The following CHST15 variants were observed in gnomAD, a reference collection of about 807,000 sequenced individuals.
CHST15 encodes B cell RAG associated protein (GALNAC4S-6ST).
Under a neutral mutation model 53.6 loss-of-function variants are expected in CHST15, and 30 were observed. The ratio of observed to expected loss-of-function variants is 0.56; its 90% CI spans 0.42 to 0.76. The LOEUF is 0.76. Among genes scored for constraint, CHST15 ranks in the 30% least tolerant of loss-of-function variants. The probability of loss-of-function intolerance (pLI) is 0.00; values close to 1 mark genes in which losing one functional copy is unlikely to be tolerated. For synonymous variants in CHST15, 296 were observed against 289.8 expected (o/e 1.02, Z -0.22); for missense variants, 627 against 740.5 (o/e 0.85, Z 1.78).
chr10:124,049,766 G>A lies in CHST15; in HGVS notation c.-512-3042C>T, dbSNP rs527441509. Among the ~76,000 whole-genome samples the A allele has an allele frequency of 5.9e-5, 9 of 152,290 alleles. No individual in the cohort carries two copies. The East Asian group carries it at 1.7e-3, about 29-fold the overall frequency. ...AGTCAAGCACTCTCCTGAGTTCTGTGAGTCATTCTAGTGAATTACTGAACC... is the reference window on the plus strand; with the variant it reads ...AGTCAAGCACTCTCCTGAGTTCTGTAAGTCATTCTAGTGAATTACTGAACC... On this transcript the variant is annotated intron_variant, in intron 1 of 7. Transcript: ENST00000435907.
At chr10:124,042,555 C>T (rs955767172) in intron 3 of CHST15, 108 bp from the exon 4 acceptor site, 13 of 1,268,154 alleles carry the variant, frequency 1.0e-5, no homozygotes, top group South Asian at 5.6e-5. Flanking sequence ...AAGGGCCTGG[C>T]GACAGCAGCA....
intron 5 of CHST15, among the ~76,000 whole-genome samples, chr10:124,023,485 CA>C (rs144190606): frequency 2.0e-3 from 273 of 134,996 alleles, no homozygotes; most frequent in Middle Eastern, 7.5e-3. Flanking sequence ...GAACCTCTCT[CA>C]AAAAAAAAAA....
intron 1 of CHST15, among the ~76,000 whole-genome samples, chr10:124,086,345 A>AC (rs2134243909): frequency 6.6e-6 from 1 of 152,310 alleles, no homozygotes; most frequent in South Asian, 2.1e-4. Flanking sequence ...GTTCTCCGCC[A>AC]CCCCAGATGT....
At chr10:124,067,712 G>T (rs983897786) in intron 1 of CHST15, among the ~76,000 whole-genome samples, 1 of 152,212 alleles carries the variant, frequency 6.6e-6, no homozygotes, top group Non-Finnish European at 1.5e-5. Context: ...CGCCTCCTGG[G>T]TTCAAGCGAT....
intron 6 of CHST15, 82 bp from the exon 7 acceptor site, chr10:124,012,562 TCACTGTAC>T (rs1946449816): frequency 2.1e-6 from 3 of 1,427,282 alleles, no homozygotes; most frequent in African/African-American, 2.8e-5. Context: ...GTATGGCATT[TCACTGTAC>T]CACAAAAGAG....
At chr10:124,056,396 A>G (rs532684460) in intron 1 of CHST15, among the ~76,000 whole-genome samples, 4 of 152,162 alleles carry the variant, frequency 2.6e-5, no homozygotes, top group Non-Finnish European at 4.4e-5. Flanking sequence ...ATTGAGTCTT[A>G]ACCTGTCTCA....
At chr10:124,090,731 C>T (rs1590392235) in intron 1 of CHST15, among the ~76,000 whole-genome samples, 2 of 152,358 alleles carry the variant, frequency 1.3e-5, no homozygotes, top group East Asian at 3.9e-4. Context: ...CCACGGTGAC[C>T]GTGCTGGGTC....
chr10:124,083,874 G>C (rs1949330804), intron 1 of CHST15, among the ~76,000 whole-genome samples: 1 of 152,220 alleles, frequency 6.6e-6, no homozygotes, highest in Non-Finnish European at 1.5e-5. Context: ...TGATGAGAGA[G>C]GATCACGCCA....
chr10:124,053,548 C>T (rs1046515595), intron 1 of CHST15, among the ~76,000 whole-genome samples: 8 of 151,408 alleles, frequency 5.3e-5, no homozygotes, highest in African/African-American at 1.9e-4. Flanking sequence ...GGCTGGAGCG[C>T]AGTGGTGTGA....
chr10:124,091,861 AG>A (rs1949608720), intron 1 of CHST15, among the ~76,000 whole-genome samples: 1 of 152,140 alleles, frequency 6.6e-6, no homozygotes, highest in South Asian at 2.1e-4. Context: ...CCGGCAACCC[AG>A]CCCCAGCCTT....
At chr10:124,023,276 G>C (rs573201407) in intron 5 of CHST15, among the ~76,000 whole-genome samples, 202 of 152,116 alleles carry the variant, frequency 1.3e-3, no homozygotes, top group Admixed American at 2.0e-3. Flanking sequence ...CTTGAACCTA[G>C]GAGTTCAAGT....
At chr10:124,023,562 A>C (rs9422311) in intron 5 of CHST15, among the ~76,000 whole-genome samples, 51,244 of 150,352 alleles carry the variant, frequency 0.34, 9,061 homozygotes, top group East Asian at 0.64. Flanking sequence ...TTTCTCCTCT[A>C]TCTCTCCTTG....
chr10:124,030,515 C>G (rs1230717626), intron 5 of CHST15, among the ~76,000 whole-genome samples: 2 of 152,014 alleles, frequency 1.3e-5, no homozygotes, highest in Non-Finnish European at 2.9e-5. Flanking sequence ...GAAATCGATC[C>G]GTGGCTATTG....
chr10:124,010,873 G>A (rs946189700), intron 7 of CHST15: 1 of 985,334 alleles, frequency 1.0e-6, no homozygotes, highest in African/African-American at 1.7e-5. Context: ...GAGGCCACTT[G>A]TGCCCAGAGC....
At chr10:124,026,505 C>T (rs778279507) in intron 5 of CHST15, among the ~76,000 whole-genome samples, 29 of 152,164 alleles carry the variant, frequency 1.9e-4, no homozygotes, top group Non-Finnish European at 4.0e-4. Context: ...CAAGATGAAA[C>T]GTACAGAAAC....
intron 1 of CHST15, among the ~76,000 whole-genome samples, chr10:124,090,621 T>A (rs1949574055): frequency 6.6e-6 from 1 of 152,216 alleles, no homozygotes; most frequent in African/African-American, 2.4e-5. Flanking sequence ...TCCAGGCATG[T>A]GAAAAATCAA....
At chr10:124,040,793 T>C (rs1345154519) in intron 4 of CHST15, among the ~76,000 whole-genome samples, 1 of 152,264 alleles carries the variant, frequency 6.6e-6, no homozygotes, top group Non-Finnish European at 1.5e-5. Flanking sequence ...AAGACTACCA[T>C]AGAACTCACC....
intron 6 of CHST15, among the ~76,000 whole-genome samples, chr10:124,018,806 T>C (rs1843217503): frequency 6.6e-6 from 1 of 152,016 alleles, no homozygotes; most frequent in South Asian, 2.1e-4. Flanking sequence ...AGGGAAGCTG[T>C]GCAGGTGGAG....
chr10:124,062,247 T>G (rs991485052), intron 1 of CHST15, among the ~76,000 whole-genome samples: 17 of 152,128 alleles, frequency 1.1e-4, no homozygotes, highest in African/African-American at 3.6e-4. Context: ...TTTATGAATG[T>G]TCACCAATGC....
Sources: gnomAD v4.1 joint callset for allele counts (sites outside exome capture counted in the v4.1 genomes callset) on GRCh38, gnomAD v4.1.1 for gene constraint, MANE v1.5 for transcripts, NCBI Gene and HGNC (gene_info 2026-07-23, HGNC 2026-07-21) for gene names.